GMNC: variants seen among roughly 807,000 people sequenced by gnomAD.
GMNC encodes the protein geminin coiled-coil domain containing, also known as geminin coiled-coil domain-containing protein 1.
GMNC carries 16 observed loss-of-function variants against 33.6 expected under a neutral mutation model. The ratio of observed to expected loss-of-function variants is 0.48; its 90% CI spans 0.32 to 0.72. The LOEUF (loss-of-function observed/expected upper bound fraction) is 0.72, where lower values mean the gene tolerates loss of function less well. Among genes scored for constraint, GMNC ranks in the 30% least tolerant of loss-of-function variants. GMNC has a pLI of 0.03. For missense variants in GMNC, 393 were observed against 388.9 expected, an observed-to-expected ratio of 1.01 and a Z score of -0.09; for synonymous variants, 156 against 147.3, an observed-to-expected ratio of 1.06 and a Z score of -0.43.
In GMNC at chr3:190,857,826, T is replaced by C; in HGVS notation, c.341A>G (p.Tyr114Cys). 1 of 1,550,462 alleles carries C rather than the reference T, an allele frequency of 6.4e-7. No individual in the cohort carries two copies. The highest frequency in any genetic ancestry group is 8.7e-7 in the Non-Finnish European group (1 of 1,145,874). ...ACATTTAACCAAAGCAGAATTCAGGTATTGTCTGAGGTGATTATTCTCTTC... is the reference window on the plus strand; with the variant it reads ...ACATTTAACCAAAGCAGAATTCAGGCATTGTCTGAGGTGATTATTCTCTTC... ...LHEENNHLRQ[Y>C]LNSALVKCLE... Residue 114 changes from tyrosine to cysteine, a missense_variant, in exon 4 of 5, where the codon TAC (tyrosine) becomes TGC (cysteine). Transcript: ENST00000442080.
At chr3:190,844,737 C>T in the GMNC span, among the ~76,000 whole-genome samples, 1 of 151,934 alleles carries the variant, frequency 6.6e-6, no homozygotes, top group Non-Finnish European at 1.5e-5. Context: ...TGAGCAATAA[C>T]TTTGTGATCT....
the GMNC span, among the ~76,000 whole-genome samples, chr3:190,844,223 T>G: frequency 6.6e-6 from 1 of 152,104 alleles, no homozygotes; most frequent in East Asian, 1.9e-4. Context: ...ATTATGTCTC[T>G]TTAGCTTTTC....
rs1553787644 is a variant in GMNC, at chr3:190,862,362, A to AAGAGAGAGAGAGGGCGAGAGAGAG, written c.3+227_3+250dup. Reference sequence around the variant, plus strand: ...AAGTAAGGAAAGTAGTAATAACAGAAAGAGAGAGAGAGGGCGAGAGAGAGA... The same window carrying AAGAGAGAGAGAGGGCGAGAGAGAG: ...AAGTAAGGAAAGTAGTAATAACAGAAAGAGAGAGAGAGGGCGAGAGAGAGAGAGAGAGAGAGGGCGAGAGAGAGA... On this transcript the variant is annotated intron_variant, in intron 1 of 4. Transcript: ENST00000442080. This position sits in a 1 kb window ranked among gnomAD's most constrained non-coding sequence, Gnocchi z 4.5. Among the ~76,000 whole-genome samples, 5 of 147,548 alleles carry AAGAGAGAGAGAGGGCGAGAGAGAG rather than the reference A, an allele frequency of 3.4e-5. No individual in the cohort carries two copies. Among genetic ancestry groups the AAGAGAGAGAGAGGGCGAGAGAGAG allele is most frequent in the Admixed American group, 6.7e-5 (1 of 14,902 alleles).
chr3:190,856,372 G>GATATATTTATAAATATTTAT (rs1560036798), intron 4 of GMNC, among the ~76,000 whole-genome samples: 36 of 126,932 alleles, frequency 2.8e-4, no homozygotes, highest in African/African-American at 1.1e-3. Flanking sequence ...TAAATATTTA[G>GATATATTTATAAATATTTAT]AAATAGATAT....
rs950573092 is a variant in GMNC at position 190,853,756 on chromosome 3, G to T, written c.*1539C>A. 6.6e-6 allele frequency: 1 copy of T among 152,146 alleles called. No homozygotes were observed. The highest frequency in any genetic ancestry group is 2.4e-5 in the African/African-American group (1 of 41,428). The allele number at this position is 152,146 out of a possible 1,614,324, so 9.4% of individuals were successfully genotyped here. A position where few individuals can be genotyped will look rare whatever the true frequency, so the allele number is the denominator to read the frequency against. ...CCAAAAAACATAGGTGCACATGCAG[G>T]ATGTGCAAATTATTCTGGGAATGAT... On this transcript the variant is annotated 3_prime_UTR_variant, in exon 5 of 5. Transcript: ENST00000442080.
rs1737694575 is a variant in GMNC, at chr3:190,854,665, T to C, written c.*630A>G. 1 of 152,352 alleles carries C rather than the reference T, an allele frequency of 6.6e-6. No homozygotes were observed. Among genetic ancestry groups the C allele is most frequent in the African/African-American group, 2.4e-5 (1 of 41,454 alleles). 9.4% of individuals were successfully genotyped at this position (152,352 alleles called of 1,614,324 possible). A position where few individuals can be genotyped will look rare whatever the true frequency, so the allele number is the denominator to read the frequency against. The stretch of plus-strand genomic sequence containing the variant: ...TAATTTTAAAGTTTATCTGTGATAT[T>C]GATTATTAGTGGAGTTACAGTTGTT... On this transcript the variant is annotated 3_prime_UTR_variant, in exon 5 of 5. Coordinates refer to ENST00000442080, the MANE Select transcript of GMNC (RefSeq NM_001146686.3).
rs1478075202 is a variant in GMNC, at chr3:190,852,816, T to C, written c.*2479A>G. 6 of 152,130 alleles carry C rather than the reference T, an allele frequency of 3.9e-5. No homozygotes were observed. In the East Asian group the frequency reaches 1.2e-3, roughly 29 times the overall value. The allele number at this position is 152,130 out of a possible 1,614,324, so 9.4% of individuals were successfully genotyped here. ...AAGAGTTTTTATTTCCCACTATAGCTTAAAATATTAACTGTGGTTTACCAG... is the reference window on the plus strand; with the variant it reads ...AAGAGTTTTTATTTCCCACTATAGCCTAAAATATTAACTGTGGTTTACCAG... On this transcript the variant is annotated 3_prime_UTR_variant, in exon 5 of 5. Coordinates refer to ENST00000442080, the MANE Select transcript of GMNC (RefSeq NM_001146686.3).
At position 190,855,116 on chromosome 3, in the gene GMNC, C is replaced by A. The variant is rs76070994; in HGVS notation, c.*179G>T. On this transcript the variant is annotated 3_prime_UTR_variant, in exon 5 of 5. Coordinates refer to ENST00000442080, the MANE Select transcript of GMNC (RefSeq NM_001146686.3). ...AGGTAAAAGAAGCGCGGACACGTTTCATTATGGATTCTTGGAAGCCATTCC... is the reference window on the plus strand; with the variant it reads ...AGGTAAAAGAAGCGCGGACACGTTTAATTATGGATTCTTGGAAGCCATTCC... 10,507 of 640,274 alleles carry A rather than the reference C, an allele frequency of 0.016. 162 individuals carry two copies. Among genetic ancestry groups the A allele is most frequent in the South Asian group, 0.042 (2,058 of 49,324 alleles). 39.7% of individuals were successfully genotyped at this position (640,274 alleles called of 1,614,324 possible). A position where few individuals can be genotyped will look rare whatever the true frequency, so the allele number is the denominator to read the frequency against.
intron 2 of GMNC, chr3:190,859,898 C>G: frequency 2.4e-6 from 1 of 423,600 alleles, no homozygotes; most frequent in Admixed American, 2.6e-5. Context: ...GGTTCACATT[C>G]TTGGGCATTT....
chr3:190,859,387 G>A (rs903603080), intron 2 of GMNC, among the ~76,000 whole-genome samples: 7 of 151,974 alleles, frequency 4.6e-5, no homozygotes, highest in African/African-American at 1.7e-4. Flanking sequence ...ATTCCATTAT[G>A]TTTTTCTAGT....
rs10630111 is a variant in GMNC at position 190,862,361 on chromosome 3, A to AG, written c.3+251_3+252insC. 0.33 allele frequency among the ~76,000 whole-genome samples: 48,837 copies of AG among 147,626 alleles called. 8,041 individuals are homozygous for AG. The highest frequency in any genetic ancestry group is 0.38 in the East Asian group (1,942 of 5,046). ...AAAGTAAGGAAAGTAGTAATAACAG[A>AG]AAGAGAGAGAGAGGGCGAGAGAGAG... On this transcript the variant is annotated intron_variant, in intron 1 of 4. Coordinates refer to ENST00000442080, the MANE Select transcript of GMNC (RefSeq NM_001146686.3). The surrounding 1 kb of genome is among the most constrained non-coding windows in gnomAD (Gnocchi z 4.5).
the GMNC span, among the ~76,000 whole-genome samples, chr3:190,844,525 C>G: frequency 6.6e-6 from 1 of 150,894 alleles, no homozygotes; most frequent in East Asian, 1.9e-4. Context: ...ACAATGTTAT[C>G]AAGGAAAAAT....
Position 190,861,429 on chromosome 3 carries a change from A to ATCTG in GMNC, c.4-575_4-572dup, listed in dbSNP as rs149526885. ...CTGCTGGCTCATAGTCCATCAATCT[A>ATCTG]TCTGTCTGTCTGTCTGTCTGCCTAT... On this transcript the variant is annotated intron_variant, in intron 1 of 4. Coordinates refer to ENST00000442080, the MANE Select transcript of GMNC (RefSeq NM_001146686.3). The surrounding 1 kb of genome is among the most constrained non-coding windows in gnomAD (Gnocchi z 5.1). Among the ~76,000 whole-genome samples, 1,233 of 151,006 alleles carry ATCTG rather than the reference A, an allele frequency of 8.2e-3. 55 individuals are homozygous for ATCTG. The East Asian group carries it at 0.12, about 14-fold the overall frequency.
Position 190,857,866 on chromosome 3 carries a change from GTTC to G in GMNC, c.298_300del (p.Glu100del). The G allele has an allele frequency of 6.4e-7, 1 of 1,550,488 alleles. No homozygotes were observed. The highest frequency in any genetic ancestry group is 8.7e-7 in the Non-Finnish European group (1 of 1,145,792). On this transcript the variant is annotated inframe_deletion, in exon 4 of 5. Transcript: ENST00000442080. Reference sequence around the variant, plus strand: ...TTATTCTCTTCGTGTAACCTGGCGAGTTCTTCTTCCTTCTGCACCAGGGTATCT... The same window carrying G: ...TTATTCTCTTCGTGTAACCTGGCGAGTTCTTCCTTCTGCACCAGGGTATCT...
rs1737805638 is a variant in GMNC at position 190,858,943 on chromosome 3, G to T, written c.252C>A (p.Leu84=). The T allele has an allele frequency of 6.5e-7, 1 of 1,548,310 alleles. No homozygotes were observed. The highest frequency in any genetic ancestry group is 1.4e-5 in the African/African-American group (1 of 72,952). The change falls in exon 3 of 5, where the codon CTC becomes CTA. Residue 84 remains leucine, a synonymous_variant. Coordinates refer to ENST00000442080, the MANE Select transcript of GMNC (RefSeq NM_001146686.3). Reference sequence around the variant, plus strand: ...TTACACATACCTGCTTATTTCTGTAGAGCTGAGAGGAAAGCTGAGCCTCTT... The same window carrying T: ...TTACACATACCTGCTTATTTCTGTATAGCTGAGAGGAAAGCTGAGCCTCTT... ...SWEEAQLSSQ[L]YRNKQLQDTL...
chr3:190,858,117 A>G, intron 3 of GMNC: 1 of 539,094 alleles, frequency 1.9e-6, no homozygotes, highest in Non-Finnish European at 3.3e-6. Flanking sequence ...ATTGCAAAGC[A>G]TTTGGAGAGA....
At position 190,855,112 on chromosome 3, in the gene GMNC, G is replaced by T. The variant is rs564901731; in HGVS notation, c.*183C>A. ...ATTTAGGTAAAAGAAGCGCGGACACGTTTCATTATGGATTCTTGGAAGCCA... is the reference window on the plus strand; with the variant it reads ...ATTTAGGTAAAAGAAGCGCGGACACTTTTCATTATGGATTCTTGGAAGCCA... On this transcript the variant is annotated 3_prime_UTR_variant, in exon 5 of 5. Coordinates refer to ENST00000442080, the MANE Select transcript of GMNC (RefSeq NM_001146686.3). 1.1e-5 allele frequency: 7 copies of T among 628,824 alleles called. No individual in the cohort carries two copies. Among genetic ancestry groups the T allele is most frequent in the Non-Finnish European group, 1.9e-5 (7 of 368,238 alleles). 39.0% of individuals were successfully genotyped at this position (628,824 alleles called of 1,614,324 possible). A position where few individuals can be genotyped will look rare whatever the true frequency, so the allele number is the denominator to read the frequency against.
intron 2 of GMNC, 23 bp downstream of exon 2, chr3:190,860,661 G>T: frequency 6.5e-7 from 1 of 1,533,066 alleles, no homozygotes; most frequent in Non-Finnish European, 8.8e-7. Flanking sequence ...GATCTATCAG[G>T]GAAGCAGAAG....
At position 190,861,486 on chromosome 3, in the gene GMNC, CTATCT is replaced by C. The variant is rs988817107; in HGVS notation, c.4-633_4-629del. The stretch of plus-strand genomic sequence containing the variant: ...TCTATCTATCTATCTATCTATCTAT[CTATCT>C]ATCTATCTATCTATCTATCTCTGTC... On this transcript the variant is annotated intron_variant, in intron 1 of 4. Coordinates refer to ENST00000442080, the MANE Select transcript of GMNC (RefSeq NM_001146686.3). The surrounding 1 kb of genome is among the most constrained non-coding windows in gnomAD (Gnocchi z 5.1). Among the ~76,000 whole-genome samples, 1 of 151,862 alleles carries C rather than the reference CTATCT, an allele frequency of 6.6e-6. No individual in the cohort carries two copies. The highest frequency in any genetic ancestry group is 1.5e-5 in the Non-Finnish European group (1 of 67,960).
Sources: allele counts gnomAD v4.1 joint callset (sites outside exome capture counted in the v4.1 genomes callset), GRCh38; gene constraint gnomAD v4.1.1; non-coding constraint Gnocchi (gnomAD v3.1); transcripts MANE v1.5; gene names NCBI Gene and HGNC (gene_info 2026-07-23, HGNC 2026-07-21).